Variants in EPB41L4A observed in about 807,000 individuals in gnomAD.
EPB41L4A encodes erythrocyte membrane protein band 4.1 like 4A, also known as band 4.1-like protein 4A.
EPB41L4A carries 100 observed loss-of-function variants against 108.6 expected under a neutral mutation model. That is an observed-to-expected ratio of 0.92 (90% confidence interval 0.78 to 1.09). The LOEUF (loss-of-function observed/expected upper bound fraction) is 1.09. Ranked by LOEUF, EPB41L4A falls within the 50% of genes least tolerant of loss-of-function variation. EPB41L4A has a pLI of 0.00. For synonymous variants in EPB41L4A, 319 were observed against 289.0 expected, an observed-to-expected ratio of 1.10 and a Z score of -1.05; for missense variants, 1,030 against 842.7, an observed-to-expected ratio of 1.22 and a Z score of -2.75.
rs192785259 is a variant in EPB41L4A at position 112,401,068 on chromosome 5, T to C, written c.99+17873A>G. On this transcript the variant is annotated intron_variant, in intron 1 of 22. Transcript: ENST00000261486. ...GAAAGAACAAACAGCTTCACTCTTCTTTCCCTACCAAACAAGCATCCACAT... is the reference window on the plus strand; with the variant it reads ...GAAAGAACAAACAGCTTCACTCTTCCTTCCCTACCAAACAAGCATCCACAT... Among the ~76,000 whole-genome samples, 1,101 of 152,348 alleles carry C rather than the reference T, an allele frequency of 7.2e-3. 8 individuals are homozygous for C. Among genetic ancestry groups the C allele is most frequent in the Non-Finnish European group, 0.012 (840 of 68,034 alleles).
At chr5:112,157,085 A>G (rs763297332) in intron 12 of EPB41L4A, among the ~76,000 whole-genome samples, 2 of 152,082 alleles carry the variant, frequency 1.3e-5, no homozygotes, top group Non-Finnish European at 2.9e-5. Flanking sequence ...TAATATTGAC[A>G]CAGGAGAGAC....
rs68152475 is a variant in EPB41L4A, at chr5:112,208,244, CA to C, written c.1178+1647del. Among the ~76,000 whole-genome samples, 184 of 85,098 alleles carry C rather than the reference CA, an allele frequency of 2.2e-3. 1 individual carries two copies. The highest frequency in any genetic ancestry group is 8.3e-3 in the Middle Eastern group (1 of 120). 55.8% of individuals were successfully genotyped at this position (85,098 alleles called of 152,430 possible). On this transcript the variant is annotated intron_variant, in intron 13 of 22. Transcript: ENST00000261486. Reference sequence around the variant, plus strand: ...CTGGCAACAGAGGGAGACTCCATCTCAAAAAAAAAAAAAAAAAAAGACACAT... The same window carrying C: ...CTGGCAACAGAGGGAGACTCCATCTCAAAAAAAAAAAAAAAAAAGACACAT...
chr5:112,186,007 G>C (rs1316079699), intron 17 of EPB41L4A, among the ~76,000 whole-genome samples: 1 of 152,110 alleles, frequency 6.6e-6, no homozygotes, highest in Non-Finnish European at 1.5e-5. Context: ...CACGGGGAAG[G>C]TGCTGCGCTG....
At chr5:112,321,501 A>G (rs1289329314) in intron 1 of EPB41L4A, among the ~76,000 whole-genome samples, 2 of 152,162 alleles carry the variant, frequency 1.3e-5, no homozygotes, top group Non-Finnish European at 2.9e-5. Context: ...ATACTGCATT[A>G]TTATGTACAT....
At chr5:112,161,287 A>C, downstream of EPB41L4A, 1 of 340,992 alleles carries the variant, frequency 2.9e-6, no homozygotes, top group Non-Finnish European at 5.8e-6. Flanking sequence ...GTGATCACCT[A>C]CCCTACAGGT....
At chr5:112,377,833 C>T (rs17134429) in intron 1 of EPB41L4A, among the ~76,000 whole-genome samples, 10,145 of 151,954 alleles carry the variant, frequency 0.067, 784 homozygotes, top group African/African-American at 0.19. Context: ...TTAATCTTCA[C>T]ACAAATTGGG....
chr5:112,380,793 AC>A (rs1760126444), intron 1 of EPB41L4A, among the ~76,000 whole-genome samples: 1 of 17,754 alleles, frequency 5.6e-5, no homozygotes, highest in Non-Finnish European at 1.6e-4. Flanking sequence ...TCACACACAT[AC>A]ACACACACAC....
intron 9 of EPB41L4A, among the ~76,000 whole-genome samples, chr5:112,251,874 G>A (rs1750701094): frequency 6.6e-6 from 1 of 152,182 alleles, no homozygotes; most frequent in African/African-American, 2.4e-5. Context: ...ATAAGAAGGA[G>A]AGAAGGGAGG....
chr5:112,165,862 C>T (rs1298379375), intron 22 of EPB41L4A, among the ~76,000 whole-genome samples: 1 of 152,166 alleles, frequency 6.6e-6, no homozygotes, highest in African/African-American at 2.4e-5. Context: ...ATGCAGCTAC[C>T]TTTAATCTGT....
chr5:112,192,089 A>T (rs1761731786), intron 17 of EPB41L4A: 1 of 152,306 alleles, frequency 6.6e-6, no homozygotes, highest in African/African-American at 2.4e-5. Flanking sequence ...AGGACGAATG[A>T]GGCTGAAGAG....
chr5:112,410,404 C>T (rs899988701), intron 1 of EPB41L4A, among the ~76,000 whole-genome samples: 1 of 152,134 alleles, frequency 6.6e-6, no homozygotes, highest in African/African-American at 2.4e-5. Flanking sequence ...GAAGCAGGGG[C>T]CTTGCAGGGA....
At chr5:112,291,039 A>T (rs1408230544) in intron 2 of EPB41L4A, among the ~76,000 whole-genome samples, 3 of 151,856 alleles carry the variant, frequency 2.0e-5, no homozygotes, top group Non-Finnish European at 4.4e-5. Context: ...ACTCCAGCCT[A>T]CTCCCCTACT....
intron 12 of EPB41L4A, among the ~76,000 whole-genome samples, chr5:112,217,967 C>A (rs577297838): frequency 2.0e-5 from 3 of 152,082 alleles, no homozygotes. Context: ...CTCCTGGATC[C>A]CTCTGCTTTC....
At chr5:112,383,054 T>A (rs1487540888) in intron 1 of EPB41L4A, among the ~76,000 whole-genome samples, 1 of 152,146 alleles carries the variant, frequency 6.6e-6, no homozygotes, top group Non-Finnish European at 1.5e-5. Context: ...TCAAGACAAG[T>A]CAAGGCTCTC....
upstream of EPB41L4A, chr5:112,419,856 C>T (rs780403784): frequency 2.2e-6 from 1 of 456,792 alleles, no homozygotes; most frequent in Non-Finnish European, 4.4e-6. Flanking sequence ...CAAGTTCAAG[C>T]TCTCCCTCCG....
intron 9 of EPB41L4A, among the ~76,000 whole-genome samples, chr5:112,243,513 T>A (rs183203320): frequency 6.6e-6 from 1 of 152,148 alleles, no homozygotes; most frequent in Non-Finnish European, 1.5e-5. Context: ...AATGCAGGCA[T>A]TGACTTCTCG....
Position 112,165,056 on chromosome 5 carries a change from C to T in EPB41L4A, c.1995G>A (p.Leu665=), listed in dbSNP as rs754339786. 6.2e-7 allele frequency: 1 copy of T among 1,613,776 alleles called. No homozygotes were observed. The highest frequency in any genetic ancestry group is 1.1e-5 in the South Asian group (1 of 91,064). ...TTGTTTTTGCTGTGTGTTTTCCAGC[C>T]AGGTTGTTTGTAGATGTCTGAGGTT... is the stretch of plus-strand genomic sequence containing the variant. ...EEKPQTSTNN[L]AGKHTAKTIK... The change falls in exon 23 of 23, where the codon CTG becomes CTA. Residue 665 remains leucine, a synonymous_variant. Transcript: ENST00000261486.
At chr5:112,391,149 A>C (rs1453510661) in intron 1 of EPB41L4A, among the ~76,000 whole-genome samples, 1 of 152,162 alleles carries the variant, frequency 6.6e-6, no homozygotes, top group Non-Finnish European at 1.5e-5. Context: ...AATTCTAAAA[A>C]CTAGAGCGCC....
chr5:112,214,146 TC>T (rs1426950946), intron 12 of EPB41L4A, among the ~76,000 whole-genome samples: 1 of 152,196 alleles, frequency 6.6e-6, no homozygotes, highest in Non-Finnish European at 1.5e-5. Context: ...CCCTCCTACA[TC>T]AGCTCAGACT....
Sources: gnomAD v4.1 joint callset for allele counts (sites outside exome capture counted in the v4.1 genomes callset) on GRCh38, gnomAD v4.1.1 for gene constraint, MANE v1.5 for transcripts, NCBI Gene and HGNC (gene_info 2026-07-23, HGNC 2026-07-21) for gene names.